Variants in MAGI2 observed in about 807,000 individuals in gnomAD.
The protein encoded by MAGI2 is membrane-associated guanylate kinase, WW and PDZ domain-containing protein 2.
In MAGI2, 35 loss-of-function variants were observed where a neutral mutation model predicts 133.3. The observed-to-expected ratio is 0.26, with a 90% CI of 0.20 to 0.35. MAGI2 has a LOEUF of 0.35. Among genes scored for constraint, MAGI2 ranks in the 10% least tolerant of loss-of-function variants. The probability of loss-of-function intolerance (pLI) is 1.00; values close to 1 mark genes in which losing one functional copy is unlikely to be tolerated. For missense variants in MAGI2, 1,636 were observed against 1,863.4 expected (o/e 0.88, Z 2.25); for synonymous variants, 729 against 710.6 (o/e 1.03, Z -0.41).
intron 2 of MAGI2, among the ~76,000 whole-genome samples, chr7:78,842,475 A>G (rs1792228365): frequency 6.6e-6 from 1 of 151,966 alleles, no homozygotes; most frequent in South Asian, 2.1e-4. Context: ...TTGTACTTTA[A>G]TAATACCTGT....
intron 2 of MAGI2, among the ~76,000 whole-genome samples, chr7:78,999,980 A>G (rs1262192066): frequency 6.6e-6 from 1 of 152,190 alleles, no homozygotes; most frequent in Non-Finnish European, 1.5e-5. Flanking sequence ...AGGAATTTCA[A>G]AAAAGAGTTG....
chr7:78,505,016 G>A (rs1457098552), intron 4 of MAGI2, among the ~76,000 whole-genome samples: 2 of 152,068 alleles, frequency 1.3e-5, no homozygotes, highest in African/African-American at 2.4e-5. Context: ...CAGACTGCAA[G>A]GATGTACAAC....
intron 9 of MAGI2, among the ~76,000 whole-genome samples, chr7:78,332,182 G>A (rs142875154): frequency 5.9e-5 from 9 of 152,174 alleles, no homozygotes; most frequent in Non-Finnish European, 1.2e-4. Context: ...GAATAAAGAG[G>A]ACTGTGCAAG....
chr7:79,327,396 G>A (rs752423700), intron 1 of MAGI2, among the ~76,000 whole-genome samples: 1 of 152,074 alleles, frequency 6.6e-6, no homozygotes, highest in African/African-American at 2.4e-5. Context: ...CCCCTGAGAC[G>A]AGATAGCGAG....
chr7:79,217,890 C>T (rs1732610296), intron 1 of MAGI2, among the ~76,000 whole-genome samples: 1 of 151,848 alleles, frequency 6.6e-6, no homozygotes, highest in African/African-American at 2.4e-5. Flanking sequence ...TAGTTGTTTC[C>T]TTTGCTAATA....
intron 15 of MAGI2, among the ~76,000 whole-genome samples, chr7:78,162,305 C>G (rs564245229): frequency 4.0e-4 from 60 of 149,214 alleles, no homozygotes; most frequent in African/African-American, 1.4e-3. Flanking sequence ...GCGGGCGGAT[C>G]ACGAGGTCAG....
chr7:78,367,359 G>T (rs189842198), intron 7 of MAGI2, among the ~76,000 whole-genome samples: 1 of 152,286 alleles, frequency 6.6e-6, no homozygotes, highest in Admixed American at 6.5e-5. Context: ...TGCATTGGAA[G>T]TTAGCTTGAA....
intron 4 of MAGI2, among the ~76,000 whole-genome samples, chr7:78,503,636 C>T (rs73135408): frequency 0.02 from 2,393 of 121,754 alleles, 58 homozygotes; most frequent in Middle Eastern, 0.024. Context: ...TCCTCTCCCT[C>T]CCCTCCTCTT....
At position 79,013,338 on chromosome 7, in the gene MAGI2, T is replaced by C. The variant is rs964789829; in HGVS notation, c.302-6132A>G. ...AGTAGACAACTGACTTCAGACCTTA[T>C]CTTCATCAAATAAGTAGGAAAGTAG... is the stretch of plus-strand genomic sequence containing the variant. On this transcript the variant is annotated intron_variant, in intron 1 of 21. Transcript: ENST00000354212. 2.6e-5 allele frequency among the ~76,000 whole-genome samples: 4 copies of C among 152,168 alleles called. No individual in the cohort carries two copies. The East Asian group carries it at 7.7e-4, about 29-fold the overall frequency.
intron 6 of MAGI2, among the ~76,000 whole-genome samples, chr7:78,384,350 T>G (rs1219739575): frequency 2.6e-5 from 4 of 152,146 alleles, no homozygotes; most frequent in African/African-American, 9.7e-5. Context: ...TCAGATAGTT[T>G]CAGGCAGAGC....
At chr7:79,218,312 G>T (rs1223564562) in intron 1 of MAGI2, among the ~76,000 whole-genome samples, 1 of 152,002 alleles carries the variant, frequency 6.6e-6, no homozygotes, top group Non-Finnish European at 1.5e-5. Flanking sequence ...AGAGCACCTA[G>T]GGATTTGACA....
chr7:78,549,753 A>T (rs894145601), intron 3 of MAGI2, among the ~76,000 whole-genome samples: 1 of 152,192 alleles, frequency 6.6e-6, no homozygotes, highest in Non-Finnish European at 1.5e-5. Flanking sequence ...TATAAAACAC[A>T]AGTATAATAT....
intron 16 of MAGI2, among the ~76,000 whole-genome samples, chr7:78,159,351 C>T (rs1824731443): frequency 6.6e-6 from 1 of 152,150 alleles, no homozygotes. Context: ...CCACCCCCAA[C>T]CCTTTGGTTT....
chr7:78,756,871 A>G (rs988317560), intron 2 of MAGI2, among the ~76,000 whole-genome samples: 8 of 152,180 alleles, frequency 5.3e-5, no homozygotes, highest in African/African-American at 1.9e-4. Flanking sequence ...AACCTTGATT[A>G]AATCCAGCTC....
intron 6 of MAGI2, among the ~76,000 whole-genome samples, chr7:78,372,689 G>A (rs1433934275): frequency 6.6e-6 from 1 of 152,124 alleles, no homozygotes; most frequent in Admixed American, 6.6e-5. Flanking sequence ...AAAAAGTCTA[G>A]ATTAATTTGT....
chr7:79,214,502 A>C (rs1681906857), intron 1 of MAGI2, among the ~76,000 whole-genome samples: 1 of 136,382 alleles, frequency 7.3e-6, no homozygotes, highest in African/African-American at 2.7e-5. Context: ...TGGGAGATAA[A>C]AGATAAAAGT....
At chr7:78,618,138 C>T (rs1372718152) in intron 3 of MAGI2, 1 of 151,978 alleles carries the variant, frequency 6.6e-6, no homozygotes, top group East Asian at 1.9e-4. Flanking sequence ...GTAAATAAAA[C>T]ATTTGCTTTA....
At chr7:78,988,080 G>A (rs1027530567) in intron 2 of MAGI2, among the ~76,000 whole-genome samples, 6 of 151,958 alleles carry the variant, frequency 3.9e-5, no homozygotes, top group Admixed American at 3.9e-4. Flanking sequence ...TAAATTCAAC[G>A]TGGGCCAGGA....
intron 1 of MAGI2, among the ~76,000 whole-genome samples, chr7:79,289,544 T>G (rs772707816): frequency 6.6e-6 from 1 of 152,096 alleles, no homozygotes; most frequent in Non-Finnish European, 1.5e-5. Flanking sequence ...TGATGACTAG[T>G]AATATAACAA....
Sources: gnomAD v4.1 joint callset for allele counts (sites outside exome capture counted in the v4.1 genomes callset) on GRCh38, gnomAD v4.1.1 for gene constraint, MANE v1.5 for transcripts, NCBI Gene and HGNC (gene_info 2026-07-23, HGNC 2026-07-21) for gene names.